ERI3: variants seen among roughly 807,000 people sequenced by gnomAD.
ERI3 encodes ERI1 exoribonuclease family member 3.
In ERI3, 18 loss-of-function variants were observed where a neutral mutation model predicts 44.4. That is an observed-to-expected ratio of 0.41 (90% CI 0.28 to 0.60). The LOEUF is 0.60. Ranked by LOEUF, ERI3 falls within the 20% of genes least tolerant of loss-of-function variation. ERI3 has a pLI of 0.36. For synonymous variants in ERI3, 183 were observed against 164.8 expected (o/e 1.11, Z -0.84); for missense variants, 294 against 435.5 (o/e 0.68, Z 2.89).
chr1:44,283,170 T>C (rs1420222389), intron 7 of ERI3, among the ~76,000 whole-genome samples: 1 of 152,192 alleles, frequency 6.6e-6, no homozygotes, highest in African/African-American at 2.4e-5. Context: ...CAGGGGTCCA[T>C]GCCTAGCCCC....
intron 2 of ERI3, among the ~76,000 whole-genome samples, chr1:44,341,748 G>A (rs1646658215): frequency 6.6e-6 from 1 of 152,050 alleles, no homozygotes; most frequent in Non-Finnish European, 1.5e-5. Context: ...AAATTAGCCA[G>A]GCGGGGTGCT....
chr1:44,319,333 G>T (rs1172835531), intron 4 of ERI3, among the ~76,000 whole-genome samples: 1 of 152,226 alleles, frequency 6.6e-6, no homozygotes, highest in Non-Finnish European at 1.5e-5. Flanking sequence ...AACTGAACTG[G>T]AAAGAACTTG....
At chr1:44,294,673 A>G (rs1374378176) in intron 6 of ERI3, among the ~76,000 whole-genome samples, 1 of 152,264 alleles carries the variant, frequency 6.6e-6, no homozygotes, top group Non-Finnish European at 1.5e-5. Flanking sequence ...CAGAAGCCCC[A>G]GTAGGGAGTG....
chr1:44,243,842 AGC>A lies in ERI3; in HGVS notation c.931+4095_931+4096del, dbSNP rs528923441. 3 of 152,302 alleles carry A rather than the reference AGC, an allele frequency of 2.0e-5. No homozygotes were observed. The East Asian group carries it at 5.8e-4, about 29-fold the overall frequency. 9.4% of individuals were successfully genotyped at this position (152,302 alleles called of 1,614,324 possible). A position where few individuals can be genotyped will look rare whatever the true frequency, so the allele number is the denominator to read the frequency against. ...TTTCTTCCACATCGTCTCTATTGGT[AGC>A]GCAAAGCCCAACACCAAAAGGGTGC... On this transcript the variant is annotated intron_variant, in intron 8 of 8. Transcript: ENST00000372257.
intron 8 of ERI3, among the ~76,000 whole-genome samples, chr1:44,232,768 G>A (rs1644215990): frequency 1.3e-5 from 2 of 152,180 alleles, no homozygotes; most frequent in Admixed American, 1.3e-4. Flanking sequence ...TCACCGGCCA[G>A]AGCTCAGAGA....
In ERI3 at chr1:44,286,232, C is replaced by T. The variant is rs554825915; in HGVS notation, c.759-1325G>A. 3.3e-5 allele frequency among the ~76,000 whole-genome samples: 5 copies of T among 152,278 alleles called. No homozygotes were observed. The South Asian group carries it at 1.0e-3, about 32-fold the overall frequency. On this transcript the variant is annotated intron_variant, in intron 6 of 8. Transcript: ENST00000372257. ...TACCTGTAGCATACCCACTTTCTGCCCAAACTGTGGGAGAACTGCTCCCCT... is the reference window on the plus strand; with the variant it reads ...TACCTGTAGCATACCCACTTTCTGCTCAAACTGTGGGAGAACTGCTCCCCT...
intron 6 of ERI3, among the ~76,000 whole-genome samples, chr1:44,300,794 G>A (rs186636287): frequency 4.4e-4 from 67 of 152,278 alleles, no homozygotes; most frequent in Non-Finnish European, 4.0e-4. Context: ...AGGCAGAGGC[G>A]GAGCACCCCT....
chr1:44,290,679 C>G (rs1341470265), intron 6 of ERI3, among the ~76,000 whole-genome samples: 1 of 152,210 alleles, frequency 6.6e-6, no homozygotes, highest in Non-Finnish European at 1.5e-5. Flanking sequence ...AGCTCTTTGT[C>G]TCTCCTGTTT....
intron 6 of ERI3, among the ~76,000 whole-genome samples, chr1:44,296,835 C>G (rs572712767): frequency 1.3e-3 from 201 of 152,192 alleles, no homozygotes; most frequent in African/African-American, 4.5e-3. Context: ...TGGGAAAGGC[C>G]AAGAGCAAGA....
intron 5 of ERI3, among the ~76,000 whole-genome samples, chr1:44,310,908 T>A (rs1394107185): frequency 6.6e-6 from 1 of 150,842 alleles, no homozygotes; most frequent in Non-Finnish European, 1.5e-5. Flanking sequence ...CACTGCTAAA[T>A]GGTCTCTCTC....
At chr1:44,263,895 G>A (rs1373662876) in intron 7 of ERI3, among the ~76,000 whole-genome samples, 1 of 152,224 alleles carries the variant, frequency 6.6e-6, no homozygotes, top group Non-Finnish European at 1.5e-5. Flanking sequence ...CCTCAGGAGA[G>A]AGACAACCCT....
Position 44,253,795 on chromosome 1 carries a change from C to T in ERI3, c.832-5757G>A, listed in dbSNP as rs755254472. On this transcript the variant is annotated intron_variant, in intron 7 of 8. Transcript: ENST00000372257. ...GAGAACACAGATAGAAGCCATGAGA[C>T]TCGGTGAAGAAAGAGAGAGGCCCAG... Among the ~76,000 whole-genome samples, 10 of 152,246 alleles carry T rather than the reference C, an allele frequency of 6.6e-5. 2 individuals are homozygous for T. In the Middle Eastern group the frequency reaches 0.02, roughly 311 times the overall value.
chr1:44,347,145 G>A (rs1011893980), intron 2 of ERI3, among the ~76,000 whole-genome samples: 2 of 152,094 alleles, frequency 1.3e-5, no homozygotes, highest in Non-Finnish European at 2.9e-5. Flanking sequence ...CCCTCCATCC[G>A]ACAGAGGACC....
At position 44,252,278 on chromosome 1, in the gene ERI3, T is replaced by C. The variant is rs1644696470; in HGVS notation, c.832-4240A>G. 6.6e-6 allele frequency among the ~76,000 whole-genome samples: 1 copy of C among 152,174 alleles called. No individual in the cohort carries two copies. Among genetic ancestry groups the C allele is most frequent in the Non-Finnish European group, 1.5e-5 (1 of 68,022 alleles). The stretch of plus-strand genomic sequence containing the variant: ...GGCAGGCACGCACACACGCTTCCCT[T>C]CCCCTGGGCTGCTGCAATTTCCATG... On this transcript the variant is annotated intron_variant, in intron 7 of 8. Coordinates refer to ENST00000372257, the MANE Select transcript of ERI3 (RefSeq NM_024066.3). This position sits in a 1 kb window ranked among gnomAD's most constrained non-coding sequence, Gnocchi z 4.7.
intron 8 of ERI3, among the ~76,000 whole-genome samples, chr1:44,226,984 C>T (rs1216258396): frequency 5.9e-5 from 9 of 152,092 alleles, no homozygotes; most frequent in Non-Finnish European, 1.3e-4. Context: ...CTTTCCCCAC[C>T]CTTTTGAAAC....
intron 8 of ERI3, among the ~76,000 whole-genome samples, chr1:44,234,660 A>T (rs920553005): frequency 1.3e-5 from 2 of 152,216 alleles, no homozygotes; most frequent in Non-Finnish European, 2.9e-5. Context: ...CTCTGTCTCA[A>T]AAAACAGCAA....
intron 7 of ERI3, among the ~76,000 whole-genome samples, chr1:44,260,630 T>C (rs1021218925): frequency 3.9e-5 from 6 of 152,190 alleles, no homozygotes; most frequent in Non-Finnish European, 7.4e-5. Context: ...AAATGGAAAC[T>C]CTAGCCCCTG....
In ERI3 at chr1:44,333,596, G is replaced by A. The variant is rs530773845; in HGVS notation, c.489+5449C>T. The stretch of plus-strand genomic sequence containing the variant: ...CAAAGAGCAATGTGTTGGGCAGGGC[G>A]GGGAGGCAGCACGTGGGGTTAAGAG... On this transcript the variant is annotated intron_variant, in intron 3 of 8. Transcript: ENST00000372257. Among the ~76,000 whole-genome samples, 8 of 152,322 alleles carry A rather than the reference G, an allele frequency of 5.3e-5. 2 individuals are homozygous for A. The highest frequency in any genetic ancestry group is 1.7e-4 in the African/African-American group (7 of 41,578).
At chr1:44,230,326 G>C (rs903634327) in intron 8 of ERI3, 1 of 152,164 alleles carries the variant, frequency 6.6e-6, no homozygotes, top group African/African-American at 2.4e-5. Context: ...CCTTTCTCCT[G>C]GTCTGGGATG....
Sources: allele counts gnomAD v4.1 joint callset (sites outside exome capture counted in the v4.1 genomes callset), GRCh38; gene constraint gnomAD v4.1.1; non-coding constraint Gnocchi (gnomAD v3.1); transcripts MANE v1.5; gene names NCBI Gene and HGNC (gene_info 2026-07-23, HGNC 2026-07-21).